Variants in PDXDC1 observed in about 807,000 individuals in gnomAD.
The protein encoded by PDXDC1 is pyridoxal dependent decarboxylase domain containing 1, also known as pyridoxal-dependent decarboxylase domain-containing protein 1.
Under a neutral mutation model 100.1 loss-of-function variants are expected in PDXDC1, and 42 were observed. The ratio of observed to expected loss-of-function variants is 0.42; its 90% CI spans 0.33 to 0.54. The LOEUF (loss-of-function observed/expected upper bound fraction) is 0.54. PDXDC1 is among the 20% of genes least tolerant of loss of function. PDXDC1 has a pLI of 0.10. For synonymous variants in PDXDC1, 260 were observed against 371.7 expected (o/e 0.70, Z 3.46); for missense variants, 636 against 979.2 (o/e 0.65, Z 4.68).
chr16:15,094,752 C>G (rs1283750045), intron 16 of PDXDC1: 1 of 162,196 alleles, frequency 6.2e-6, no homozygotes, highest in African/African-American at 2.4e-5. Flanking sequence ...AGTGACCTAC[C>G]TCAGAGCCTC....
chr16:15,083,376 G>A, intron 16 of PDXDC1: 5 of 1,379,510 alleles, frequency 3.6e-6, no homozygotes, highest in Non-Finnish European at 4.9e-6. Flanking sequence ...TCCAGCTTGG[G>A]CGACAGAGTG....
chr16:15,042,166 T>C (rs2043844380), downstream of PDXDC1, among the ~76,000 whole-genome samples: 1 of 151,200 alleles, frequency 6.6e-6, no homozygotes, highest in African/African-American at 2.4e-5. Flanking sequence ...CAGAGCTGAC[T>C]ATAAAGACAA....
At chr16:14,998,594 G>A (rs1407702367) in intron 3 of PDXDC1, among the ~76,000 whole-genome samples, 189 bp downstream of exon 3, 19 of 152,226 alleles carry the variant, frequency 1.2e-4, no homozygotes, top group Non-Finnish European at 2.1e-4. Context: ...GATTACAGGC[G>A]TGCACCACCA....
intron 16 of PDXDC1, among the ~76,000 whole-genome samples, chr16:15,063,590 C>A (rs2044812985): frequency 6.6e-6 from 1 of 151,646 alleles, no homozygotes; most frequent in Non-Finnish European, 1.5e-5. Context: ...CACCTGTAGT[C>A]CCAGCTACTC....
chr16:15,127,850 G>A (rs770726842), intron 16 of PDXDC1: 113 of 1,565,986 alleles, frequency 7.2e-5, no homozygotes, highest in Non-Finnish European at 9.5e-5. Context: ...AAGCCGCACT[G>A]CAGCTCAGCC....
At chr16:15,093,087 C>A (rs1447028069) in intron 16 of PDXDC1, among the ~76,000 whole-genome samples, 6 of 152,048 alleles carry the variant, frequency 3.9e-5, no homozygotes, top group Non-Finnish European at 8.8e-5. Context: ...TAACTGCAAC[C>A]TCCATCTCCC....
the PDXDC1 span, among the ~76,000 whole-genome samples, chr16:15,149,626 G>C: frequency 6.6e-6 from 1 of 152,356 alleles, no homozygotes; most frequent in African/African-American, 2.4e-5. Flanking sequence ...TGTCATTCAG[G>C]GATGCAGGTG....
intron 22 of PDXDC1, among the ~76,000 whole-genome samples, 179 bp downstream of exon 22, chr16:15,035,732 C>T (rs371038210): frequency 7.2e-5 from 11 of 152,144 alleles, no homozygotes; most frequent in African/African-American, 2.4e-4. Flanking sequence ...CACGGTAGTG[C>T]GCTAAGGGGA....
intron 16 of PDXDC1, among the ~76,000 whole-genome samples, chr16:15,087,671 A>G (rs1364255884): frequency 1.3e-5 from 2 of 152,206 alleles, no homozygotes; most frequent in Non-Finnish European, 2.9e-5. Flanking sequence ...CACAACTGTT[A>G]AGGATAACAT....
At chr16:15,129,167 G>A (rs1302857693) in intron 16 of PDXDC1, among the ~76,000 whole-genome samples, 1 of 151,826 alleles carries the variant, frequency 6.6e-6, no homozygotes, top group African/African-American at 2.4e-5. Context: ...AAGCAGCACG[G>A]AAATAAAAAA....
Position 15,036,575 on chromosome 16 carries a change from C to G in PDXDC1, c.*300C>G. On this transcript the variant is annotated 3_prime_UTR_variant, in exon 23 of 23. Transcript: ENST00000396410. ...CAAGTGTCTACCAGTAGCACCCTTG[C>G]TCTTTCTAAACATAAGCCTAAGTAT... is the stretch of plus-strand genomic sequence containing the variant. 2.3e-6 allele frequency: 1 copy of G among 427,662 alleles called. No individual in the cohort carries two copies. Among genetic ancestry groups the G allele is most frequent in the Non-Finnish European group, 4.2e-6 (1 of 238,790 alleles). 26.5% of individuals were successfully genotyped at this position (427,662 alleles called of 1,614,324 possible).
At chr16:15,010,535 T>G (rs555378827) in intron 8 of PDXDC1, 1 of 154,298 alleles carries the variant, frequency 6.5e-6, no homozygotes, top group South Asian at 2.0e-4. Flanking sequence ...TTGTAAAAAT[T>G]AAACAAGAAA....
chr16:14,995,449 AT>A (rs1411785943), intron 1 of PDXDC1, among the ~76,000 whole-genome samples: 3 of 152,270 alleles, frequency 2.0e-5, no homozygotes, highest in Non-Finnish European at 4.4e-5. Context: ...ACATTTATTG[AT>A]TTGCGTATGT....
intron 6 of PDXDC1, among the ~76,000 whole-genome samples, chr16:15,007,815 G>A (rs2040912868): frequency 6.6e-6 from 1 of 152,288 alleles, no homozygotes; most frequent in South Asian, 2.1e-4. Context: ...GCTGTTTGGG[G>A]ACAACAGTCT....
chr16:15,096,355 C>T (rs1158954293), intron 16 of PDXDC1, among the ~76,000 whole-genome samples: 2 of 152,094 alleles, frequency 1.3e-5, no homozygotes, highest in African/African-American at 2.4e-5. Flanking sequence ...GTGATCCGCC[C>T]GCCTTGGCAT....
chr16:15,002,540 C>T (rs1288128788), intron 4 of PDXDC1, among the ~76,000 whole-genome samples: 1 of 152,296 alleles, frequency 6.6e-6, no homozygotes, highest in Non-Finnish European at 1.5e-5. Flanking sequence ...TTACTTTGAA[C>T]AGATGAACCA....
intron 7 of PDXDC1, 36 bp from the exon 8 acceptor site, chr16:15,009,645 G>T: frequency 6.2e-7 from 1 of 1,611,610 alleles, no homozygotes. Flanking sequence ...TTTTATACTG[G>T]GCACCTCATT....
At chr16:15,007,136 T>C (rs1446185313) in intron 6 of PDXDC1, among the ~76,000 whole-genome samples, 17 of 150,514 alleles carry the variant, frequency 1.1e-4, no homozygotes, top group Middle Eastern at 3.2e-3. Flanking sequence ...CAGTCTAGAA[T>C]TGCTGGATCA....
chr16:15,005,304 CA>C (rs74858191), intron 5 of PDXDC1, among the ~76,000 whole-genome samples: 229 of 54,658 alleles, frequency 4.2e-3, no homozygotes, highest in East Asian at 0.026. Flanking sequence ...GACTCTGTCT[CA>C]AAAAAAAAAA....
Sources: allele counts gnomAD v4.1 joint callset (sites outside exome capture counted in the v4.1 genomes callset), GRCh38; gene constraint gnomAD v4.1.1; transcripts MANE v1.5; gene names NCBI Gene and HGNC (gene_info 2026-07-23, HGNC 2026-07-21).